ANXA4: variants seen among roughly 807,000 people sequenced by gnomAD.
The protein encoded by ANXA4 is 35-beta calcimedin.
ANXA4 carries 39 observed loss-of-function variants against 49.8 expected under a neutral mutation model. The ratio of observed to expected loss-of-function variants is 0.78; its 90% CI spans 0.61 to 1.02. The LOEUF is 1.02. Ranked by LOEUF, ANXA4 falls within the 50% of genes least tolerant of loss-of-function variation. The pLI is 0.00. For synonymous variants in ANXA4, 134 were observed against 152.5 expected (o/e 0.88, Z 0.89); for missense variants, 360 against 410.1 (o/e 0.88, Z 1.05).
At chr2:69,654,908 C>T (rs962515206) in intron 2 of ANXA4, among the ~76,000 whole-genome samples, 5 of 152,062 alleles carry the variant, frequency 3.3e-5, no homozygotes, top group African/African-American at 1.2e-4. Context: ...ACAAACCTGA[C>T]AAAAACAAGC....
chr2:69,670,086 A>C (rs1677115504), intron 2 of ANXA4, among the ~76,000 whole-genome samples: 1 of 152,178 alleles, frequency 6.6e-6, no homozygotes, highest in Admixed American at 6.6e-5. Context: ...TGAAGCACAA[A>C]GTGAAAGTTT....
At chr2:69,748,304 G>A (rs1201153415) in intron 1 of ANXA4, among the ~76,000 whole-genome samples, 1 of 151,736 alleles carries the variant, frequency 6.6e-6, no homozygotes, top group Non-Finnish European at 1.5e-5. Flanking sequence ...GTGTGAACCC[G>A]GGAGGCAGAG....
At chr2:69,763,846 G>A (rs1203773185) in intron 1 of ANXA4, among the ~76,000 whole-genome samples, 4 of 151,710 alleles carry the variant, frequency 2.6e-5, no homozygotes, top group Non-Finnish European at 4.4e-5. Context: ...TATTTTTAGT[G>A]GAGATGGGGT....
chr2:69,668,937 C>CT (rs113566887), intron 2 of ANXA4, among the ~76,000 whole-genome samples: 161 of 142,936 alleles, frequency 1.1e-3, no homozygotes, highest in Middle Eastern at 7.3e-3. Flanking sequence ...CCTTTTGAGC[C>CT]TTTTTTTTTT....
intron 12 of ANXA4, among the ~76,000 whole-genome samples, chr2:69,821,878 G>A (rs983237609): frequency 6.6e-6 from 1 of 152,034 alleles, no homozygotes; most frequent in Non-Finnish European, 1.5e-5. Context: ...CAAGGATGAC[G>A]GTAAGTGAAG....
intron 3 of ANXA4, among the ~76,000 whole-genome samples, chr2:69,797,059 A>G (rs1172606862): frequency 6.6e-6 from 1 of 152,168 alleles, no homozygotes; most frequent in African/African-American, 2.4e-5. Flanking sequence ...TGAGACAGTA[A>G]GAAGGCCATG....
intron 3 of ANXA4, among the ~76,000 whole-genome samples, chr2:69,790,569 G>A (rs1287351885): frequency 1.3e-5 from 2 of 152,188 alleles, no homozygotes; most frequent in Non-Finnish European, 2.9e-5. Flanking sequence ...ATACCTGTGA[G>A]CCATTCAGAT....
chr2:69,645,068 C>G (rs528915330), intron 1 of ANXA4, among the ~76,000 whole-genome samples: 4 of 152,312 alleles, frequency 2.6e-5, no homozygotes, highest in African/African-American at 9.6e-5. Context: ...TTTCCCCACT[C>G]CCTAGTGCTT....
At chr2:69,814,777 TGTGTGTGTGTGTGTGTGAGAGAAA>T (rs1218836259) in intron 8 of ANXA4, 1 of 101,698 alleles carries the variant, frequency 9.8e-6, no homozygotes, top group African/African-American at 7.4e-5. Context: ...TGTGTGTGTG[TGTGTGTGTGTGTGTGTGAGAGAAA>T]GAGAGAGAGG....
chr2:69,666,101 G>A (rs1559057940), intron 2 of ANXA4, among the ~76,000 whole-genome samples: 1 of 152,184 alleles, frequency 6.6e-6, no homozygotes, highest in Non-Finnish European at 1.5e-5. Flanking sequence ...CTACTTGGGA[G>A]GCTGAGGCAG....
chr2:69,747,293 C>T (rs186395723), intron 1 of ANXA4, among the ~76,000 whole-genome samples: 1 of 152,308 alleles, frequency 6.6e-6, no homozygotes, highest in East Asian at 1.9e-4. Flanking sequence ...GGAACAAGTT[C>T]TCCTGATTTA....
At chr2:69,708,682 T>C (rs1237847781) in intron 2 of ANXA4, among the ~76,000 whole-genome samples, 1 of 152,150 alleles carries the variant, frequency 6.6e-6, no homozygotes, top group Admixed American at 6.5e-5. Context: ...TGAAGAAAGC[T>C]TTGCCCCTTT....
intron 1 of ANXA4, among the ~76,000 whole-genome samples, chr2:69,775,540 T>C (rs534675102): frequency 1.8e-4 from 28 of 152,276 alleles, no homozygotes; most frequent in South Asian, 1.7e-3. Flanking sequence ...AAGAGAAAGT[T>C]TGTTTTGGCT....
At chr2:69,744,332 A>T (rs72903055) in intron 1 of ANXA4, among the ~76,000 whole-genome samples, 6,293 of 152,190 alleles carry the variant, frequency 0.041, 432 homozygotes, top group African/African-American at 0.14. Flanking sequence ...AACAAACAAA[A>T]ACAAGAGGAG....
intron 1 of ANXA4, among the ~76,000 whole-genome samples, chr2:69,773,164 A>C (rs1019101716): frequency 6.6e-6 from 1 of 152,256 alleles, no homozygotes; most frequent in East Asian, 1.9e-4. Flanking sequence ...CCAGTGTTCA[A>C]GTATGATACC....
intron 2 of ANXA4, among the ~76,000 whole-genome samples, chr2:69,693,227 T>C (rs999646137): frequency 3.3e-5 from 5 of 151,984 alleles, no homozygotes; most frequent in African/African-American, 1.2e-4. Flanking sequence ...GAACATAGAG[T>C]TGGTCGGTGC....
chr2:69,782,349 G>A (rs982819338), intron 2 of ANXA4, among the ~76,000 whole-genome samples: 6 of 152,126 alleles, frequency 3.9e-5, no homozygotes, highest in African/African-American at 1.4e-4. Flanking sequence ...TGAACAAAGA[G>A]TAATATACTC....
At chr2:69,719,334 C>G (rs1045990867) in intron 2 of ANXA4, among the ~76,000 whole-genome samples, 2 of 142,708 alleles carry the variant, frequency 1.4e-5, no homozygotes, top group African/African-American at 5.4e-5. Flanking sequence ...ATAGTGCAAC[C>G]ATAGCACATT....
intron 3 of ANXA4, among the ~76,000 whole-genome samples, chr2:69,727,381 G>C (rs1669988827): frequency 6.6e-6 from 1 of 152,198 alleles, no homozygotes; most frequent in Non-Finnish European, 1.5e-5. Flanking sequence ...GCAGTGTATA[G>C]AGTAGCAGTT....
Sources: allele counts gnomAD v4.1 joint callset (sites outside exome capture counted in the v4.1 genomes callset), GRCh38; gene constraint gnomAD v4.1.1; transcripts MANE v1.5; gene names NCBI Gene and HGNC (gene_info 2026-07-23, HGNC 2026-07-21).